The following TMEM132D variants were observed in gnomAD, a reference collection of about 807,000 sequenced individuals.
The protein encoded by TMEM132D is mature OL transmembrane protein.
A neutral mutation model predicts 62.3 loss-of-function variants in TMEM132D; 21 were observed. The ratio of observed to expected loss-of-function variants is 0.34; its 90% CI spans 0.24 to 0.49. The LOEUF (loss-of-function observed/expected upper bound fraction) is 0.49. TMEM132D is among the 20% of genes least tolerant of loss of function. The pLI is 0.99. For synonymous variants in TMEM132D, 621 were observed against 575.6 expected, an observed-to-expected ratio of 1.08 and a Z score of -1.13; for missense variants, 1,346 against 1,402.8, an observed-to-expected ratio of 0.96 and a Z score of 0.65.
chr12:129,518,862 T>C (rs1875760597), intron 3 of TMEM132D, among the ~76,000 whole-genome samples: 1 of 152,198 alleles, frequency 6.6e-6, no homozygotes, highest in African/African-American at 2.4e-5. Flanking sequence ...ATACTCCTGA[T>C]TATTTACTTA....
At chr12:129,441,964 C>T (rs550789958) in intron 3 of TMEM132D, among the ~76,000 whole-genome samples, 11 of 152,090 alleles carry the variant, frequency 7.2e-5, no homozygotes, top group South Asian at 6.2e-4. Flanking sequence ...TGGCAACAGT[C>T]GGCCTGGAGG....
At chr12:129,487,861 C>T (rs995772692) in intron 3 of TMEM132D, among the ~76,000 whole-genome samples, 7 of 145,306 alleles carry the variant, frequency 4.8e-5, no homozygotes, top group South Asian at 2.3e-4. Flanking sequence ...GGCGTGAACC[C>T]GGGAGGTGGA....
intron 3 of TMEM132D, among the ~76,000 whole-genome samples, chr12:129,471,209 C>T (rs1289584911): frequency 6.9e-6 from 1 of 145,800 alleles, no homozygotes; most frequent in Non-Finnish European, 1.5e-5. Flanking sequence ...GTAGATATTA[C>T]TTTTTTTTTT....
chr12:129,135,870 G>A (rs1419932056), intron 5 of TMEM132D, among the ~76,000 whole-genome samples: 1 of 152,118 alleles, frequency 6.6e-6, no homozygotes, highest in Non-Finnish European at 1.5e-5. Context: ...GTGGGTGTCT[G>A]TCTCTCTACA....
intron 2 of TMEM132D, among the ~76,000 whole-genome samples, chr12:129,579,903 C>T (rs12298735): frequency 0.34 from 51,694 of 152,096 alleles, 9,403 homozygotes; most frequent in Non-Finnish European, 0.4. Context: ...AAAGGGAAAG[C>T]CTACGGTAAA....
chr12:129,500,169 G>C (rs751201583), intron 3 of TMEM132D, among the ~76,000 whole-genome samples: 1 of 139,084 alleles, frequency 7.2e-6, no homozygotes, highest in Non-Finnish European at 1.5e-5. Flanking sequence ...CAATTCACCG[G>C]ACCTCATCTG....
intron 3 of TMEM132D, among the ~76,000 whole-genome samples, chr12:129,442,520 A>G (rs1008297938): frequency 6.6e-6 from 1 of 152,146 alleles, no homozygotes; most frequent in African/African-American, 2.4e-5. Context: ...AGGACTCCAA[A>G]AGTGGTTAGT....
chr12:129,676,408 G>A (rs1054452159), intron 2 of TMEM132D, among the ~76,000 whole-genome samples: 11 of 151,842 alleles, frequency 7.2e-5, no homozygotes, highest in Non-Finnish European at 1.6e-4. Flanking sequence ...TCTGTTTTGC[G>A]TTGCTATAAA....
intron 2 of TMEM132D, among the ~76,000 whole-genome samples, chr12:129,611,991 C>T (rs542377903): frequency 4.6e-4 from 70 of 152,278 alleles, no homozygotes; most frequent in Non-Finnish European, 8.7e-4. Flanking sequence ...GGGCCGTGGC[C>T]GGTCGCAGTA....
At chr12:129,564,854 T>C (rs1162164019) in intron 2 of TMEM132D, among the ~76,000 whole-genome samples, 2 of 152,148 alleles carry the variant, frequency 1.3e-5, no homozygotes, top group Admixed American at 6.5e-5. Context: ...GGCATGACCA[T>C]GGAAGGTAGC....
intron 3 of TMEM132D, among the ~76,000 whole-genome samples, chr12:129,348,709 TTAAAG>T (rs1474355503): frequency 6.6e-6 from 1 of 152,134 alleles, no homozygotes; most frequent in Admixed American, 6.6e-5. Flanking sequence ...ATCCCAGAAC[TTAAAG>T]TAAAATAAAA....
intron 3 of TMEM132D, among the ~76,000 whole-genome samples, chr12:129,395,853 TG>T (rs1420627823): frequency 5.2e-5 from 6 of 115,254 alleles, no homozygotes; most frequent in Non-Finnish European, 1.1e-4. Context: ...ATTGATACAT[TG>T]ATATGTACAT....
chr12:129,706,779 T>C (rs1226002287), intron 1 of TMEM132D, among the ~76,000 whole-genome samples: 2 of 151,848 alleles, frequency 1.3e-5, no homozygotes, highest in Non-Finnish European at 1.5e-5. Context: ...CACGAGAATA[T>C]AATTTCATAA....
chr12:129,739,882 G>C (rs150473681), intron 1 of TMEM132D, among the ~76,000 whole-genome samples: 5 of 152,246 alleles, frequency 3.3e-5, no homozygotes, highest in Admixed American at 1.3e-4. Flanking sequence ...TGGCACTACT[G>C]TGCTCGAGGA....
chr12:129,878,472 G>T (rs1317210171), intron 1 of TMEM132D, among the ~76,000 whole-genome samples: 2 of 152,128 alleles, frequency 1.3e-5, no homozygotes, highest in African/African-American at 4.8e-5. Context: ...AGGCTGGGAT[G>T]GACCAATGAC....
chr12:129,084,803 G>A, intron 5 of TMEM132D, 101 bp from the exon 6 acceptor site: 4 of 1,154,582 alleles, frequency 3.5e-6, no homozygotes, highest in Non-Finnish European at 4.9e-6. Flanking sequence ...TGGTGGAGGT[G>A]CTTCCCTTTC....
intron 4 of TMEM132D, among the ~76,000 whole-genome samples, chr12:129,292,947 G>A (rs1162118013): frequency 1.3e-5 from 2 of 152,172 alleles, no homozygotes; most frequent in Non-Finnish European, 2.9e-5. Context: ...TAAAAGGGAG[G>A]GAGGGTAGTC....
chr12:129,525,200 C>G (rs1176246042), intron 3 of TMEM132D, among the ~76,000 whole-genome samples: 2 of 123,382 alleles, frequency 1.6e-5, no homozygotes, highest in African/African-American at 3.0e-5. Flanking sequence ...GCTGGGATTA[C>G]GGGTATGAGC....
At chr12:129,494,844 A>G (rs2137062714) in intron 3 of TMEM132D, among the ~76,000 whole-genome samples, 1 of 152,184 alleles carries the variant, frequency 6.6e-6, no homozygotes, top group South Asian at 2.1e-4. Context: ...CCTCTCAGCT[A>G]CAATCATCCT....
Sources: gnomAD v4.1 joint callset for allele counts (sites outside exome capture counted in the v4.1 genomes callset) on GRCh38, gnomAD v4.1.1 for gene constraint, MANE v1.5 for transcripts, NCBI Gene and HGNC (gene_info 2026-07-23, HGNC 2026-07-21) for gene names.